The following UBR1 variants were observed in gnomAD, a reference collection of about 807,000 sequenced individuals.
UBR1 encodes the protein ubiquitin protein ligase E3 component n-recognin 1.
A neutral mutation model predicts 242.1 loss-of-function variants in UBR1; 102 were observed. The observed-to-expected ratio is 0.42, with a 90% CI of 0.36 to 0.50. The LOEUF is 0.50. UBR1 is among the 20% of genes least tolerant of loss of function. The pLI, the probability that UBR1 is intolerant of heterozygous loss-of-function variation, is 0.01. For synonymous variants in UBR1, 675 were observed against 684.8 expected (o/e 0.99, Z 0.22); for missense variants, 1,772 against 2,101.8 (o/e 0.84, Z 3.07).
intron 31 of UBR1, 80 bp downstream of exon 31, chr15:43,003,757 G>T: frequency 7.9e-7 from 1 of 1,270,716 alleles, no homozygotes; most frequent in Non-Finnish European, 1.2e-6. Context: ...GAAGACATGA[G>T]AAAACATGCC....
chr15:42,981,643 C>T (rs866076852), intron 37 of UBR1, among the ~76,000 whole-genome samples: 13 of 152,142 alleles, frequency 8.5e-5, no homozygotes, highest in African/African-American at 3.1e-4. Flanking sequence ...GCGCCCGCCA[C>T]CACGCCTGGC....
chr15:43,007,230 T>C lies in UBR1; in HGVS notation c.3264A>G (p.Pro1088=). ...TCAGCACCTCCTTTTCAGTAACAGA[T>C]GGACCCCGTTTAGGACCCAAAGCAA... ...SRIALGPKRG[P]SVTEKEVLTC... Residue 1088 remains proline, a synonymous_variant, in exon 30 of 47, where the codon CCA becomes CCG. Coordinates refer to ENST00000290650, the MANE Select transcript of UBR1 (RefSeq NM_174916.3). 6.2e-7 allele frequency: 1 copy of C among 1,614,150 alleles called. No homozygotes were observed. Among genetic ancestry groups the C allele is most frequent in the Non-Finnish European group, 8.5e-7 (1 of 1,180,014 alleles).
chr15:43,031,347 ATAC>A (rs891007790), intron 20 of UBR1, among the ~76,000 whole-genome samples: 2 of 152,222 alleles, frequency 1.3e-5, no homozygotes, highest in African/African-American at 2.4e-5. Context: ...CAGCAAAATT[ATAC>A]TACAATATTA....
At chr15:42,972,341 C>T (rs972169355) in intron 39 of UBR1, among the ~76,000 whole-genome samples, 1 of 152,072 alleles carries the variant, frequency 6.6e-6, no homozygotes, top group Non-Finnish European at 1.5e-5. Flanking sequence ...TCCATCTTTT[C>T]ATCACTCGGT....
intron 11 of UBR1, 92 bp from the exon 12 acceptor site, chr15:43,054,991 T>C: frequency 1.5e-6 from 2 of 1,372,382 alleles, no homozygotes; most frequent in South Asian, 2.4e-5. Context: ...AGTATGTCAT[T>C]TTTAATAAAT....
At chr15:42,988,761 G>C in intron 35 of UBR1, 58 bp downstream of exon 35, 1 of 1,603,532 alleles carries the variant, frequency 6.2e-7, no homozygotes, top group Non-Finnish European at 8.5e-7. Flanking sequence ...ATTTAAGAAT[G>C]AATGATCAAA....
chr15:43,095,365 G>C (rs1057005168), intron 1 of UBR1, among the ~76,000 whole-genome samples: 1 of 152,128 alleles, frequency 6.6e-6, no homozygotes, highest in Non-Finnish European at 1.5e-5. Context: ...ATTAGAAAGA[G>C]AATTATATTC....
chr15:43,093,652 T>A (rs1183457115), intron 1 of UBR1, among the ~76,000 whole-genome samples: 1 of 152,018 alleles, frequency 6.6e-6, no homozygotes, highest in Non-Finnish European at 1.5e-5. Flanking sequence ...CATGGTAGCA[T>A]GAGCCTGTAG....
intron 37 of UBR1, among the ~76,000 whole-genome samples, chr15:42,983,379 C>A (rs35326878): frequency 6.6e-6 from 1 of 151,728 alleles, no homozygotes; most frequent in South Asian, 2.1e-4. Flanking sequence ...TCATGAAGGC[C>A]AGGAGTGGTG....
At chr15:43,016,966 G>A (rs2033033820) in intron 28 of UBR1, 129 bp downstream of exon 28, 3 of 695,868 alleles carry the variant, frequency 4.3e-6, no homozygotes, top group Non-Finnish European at 7.8e-6. Context: ...AATAAAAGAT[G>A]GACAGATCTC....
intron 46 of UBR1, among the ~76,000 whole-genome samples, chr15:42,948,582 C>T (rs960887075): frequency 1.3e-5 from 2 of 150,644 alleles, no homozygotes; most frequent in African/African-American, 2.4e-5. Flanking sequence ...AACAAATTTA[C>T]AAGAAACAAA....
In UBR1 at chr15:43,025,622, C is replaced by A. The variant is rs1233184478; in HGVS notation, c.2536-193G>T. 7.1e-6 allele frequency: 4 copies of A among 566,384 alleles called. No homozygotes were observed. In the African/African-American group the frequency reaches 7.5e-5, roughly 11 times the overall value. The allele number at this position is 566,384 out of a possible 1,614,324, so 35.1% of individuals were successfully genotyped here. On this transcript the variant is annotated intron_variant, in intron 23 of 46. Coordinates refer to ENST00000290650, the MANE Select transcript of UBR1 (RefSeq NM_174916.3). ...CTAATGCAAAATAGATGAGGAATAT[C>A]CCTGATCAAAAACTTAGTCTCCATT...
intron 37 of UBR1, 145 bp from the exon 38 acceptor site, chr15:42,978,092 A>G: frequency 1.5e-6 from 1 of 687,582 alleles, no homozygotes; most frequent in South Asian, 1.7e-5. Context: ...AGATATGAAA[A>G]CCATAATGAG....
chr15:43,074,678 C>T (rs879475678), intron 4 of UBR1, among the ~76,000 whole-genome samples: 2 of 152,182 alleles, frequency 1.3e-5, no homozygotes, highest in Non-Finnish European at 2.9e-5. Context: ...GATTGAGCCT[C>T]CCAAAGTGCC....
chr15:42,952,895 A>G (rs1567106428), intron 44 of UBR1, among the ~76,000 whole-genome samples: 1 of 152,058 alleles, frequency 6.6e-6, no homozygotes, highest in Non-Finnish European at 1.5e-5. Flanking sequence ...AATTTACAGT[A>G]AGGGTCCAAA....
Position 43,037,770 on chromosome 15 carries a change from T to G in UBR1, c.2022+3A>C. The G allele has an allele frequency of 6.2e-7, 1 of 1,613,382 alleles. No homozygotes were observed. Among genetic ancestry groups the G allele is most frequent in the Non-Finnish European group, 8.5e-7 (1 of 1,179,354 alleles). On this transcript the variant is annotated splice_donor_region_variant and intron_variant, in intron 17 of 46. Transcript: ENST00000290650. Reference sequence around the variant, plus strand: ...TAAATATGAATAATAGACTTTGCTGTACCTGGCTAATAAGAGACAGTCCAT... The same window carrying G: ...TAAATATGAATAATAGACTTTGCTGGACCTGGCTAATAAGAGACAGTCCAT...
intron 3 of UBR1, among the ~76,000 whole-genome samples, chr15:43,077,612 C>A (rs2033922956): frequency 6.7e-6 from 1 of 148,472 alleles, no homozygotes; most frequent in South Asian, 2.1e-4. Flanking sequence ...CCTGCCAAAT[C>A]CCCCTCTGGG....
chr15:42,966,180 C>A lies in UBR1; in HGVS notation c.4564G>T (p.Val1522Leu). The change falls in exon 41 of 47, where the codon GTA becomes TTA. Residue 1522 changes from valine (V) to leucine (L), a missense_variant. Val to Leu is a conservative substitution (Grantham distance 32, BLOSUM62 1). Coordinates refer to ENST00000290650, the MANE Select transcript of UBR1 (RefSeq NM_174916.3). ...AALFFHYLLG[V>L]TPPEELHTNS... ...GTATGCAGTTCCTCAGGCGGAGTTA[C>A]CCCAAGTAAATAGTGGAAAAACAAT... 6.2e-7 allele frequency: 1 copy of A among 1,614,080 alleles called. No homozygotes were observed. Among genetic ancestry groups the A allele is most frequent in the Non-Finnish European group, 8.5e-7 (1 of 1,180,020 alleles).
chr15:42,993,968 T>C (rs1462664799), intron 33 of UBR1, among the ~76,000 whole-genome samples: 1 of 152,204 alleles, frequency 6.6e-6, no homozygotes, highest in African/African-American at 2.4e-5. Flanking sequence ...TGAGCTGTCT[T>C]CTAAGCATGG....
Sources: allele counts gnomAD v4.1 joint callset (sites outside exome capture counted in the v4.1 genomes callset), GRCh38; gene constraint gnomAD v4.1.1; transcripts MANE v1.5; gene names NCBI Gene and HGNC (gene_info 2026-07-23, HGNC 2026-07-21).